ELMOD3: variants seen among roughly 807,000 people sequenced by gnomAD.
The protein encoded by ELMOD3 is ELMO domain containing 3.
Under a neutral mutation model 47.4 loss-of-function variants are expected in ELMOD3, and 36 were observed. That is an observed-to-expected ratio of 0.76 (90% confidence interval 0.58 to 1.00). The LOEUF (loss-of-function observed/expected upper bound fraction) is 1.00, where lower values mean the gene tolerates loss of function less well. ELMOD3 is among the 50% of genes least tolerant of loss of function. The pLI, the probability that ELMOD3 is intolerant of heterozygous loss-of-function variation, is 0.00. For missense variants in ELMOD3, 404 were observed against 463.8 expected, an observed-to-expected ratio of 0.87 and a Z score of 1.18; for synonymous variants, 149 against 183.5, an observed-to-expected ratio of 0.81 and a Z score of 1.52.
At chr2:85,373,730 G>A (rs1041537150) in intron 10 of ELMOD3, among the ~76,000 whole-genome samples, 3 of 151,194 alleles carry the variant, frequency 2.0e-5, no homozygotes, top group South Asian at 2.1e-4. Flanking sequence ...TCCCAGCTAC[G>A]TGGGAGGCTG....
At chr2:85,371,633 G>A (rs979178219) in intron 10 of ELMOD3, 71 bp downstream of exon 10, 93 of 1,593,738 alleles carry the variant, frequency 5.8e-5, no homozygotes, top group Non-Finnish European at 7.4e-5. Context: ...AGGCCAGGTC[G>A]TTCTCTTCCA....
Position 85,390,810 on chromosome 2 carries a change from G to A in ELMOD3, c.994G>A (p.Glu332Lys). The change falls in exon 14 of 14, where the codon GAG becomes AAG. Residue 332 changes from glutamate (E) to lysine (K), a missense_variant. Glu to Lys is a moderately conservative substitution (Grantham distance 56). Coordinates refer to ENST00000409013, the MANE Select transcript of ELMOD3 (RefSeq NM_001135022.2). ...CCCACGGCGGCTGCTCAAGACCCTG[G>A]AGCTGTACTTGGCCAGGGTGTCAAA... ...KSPRRLLKTL[E>K]LYLARVSKGQ... 2 of 1,551,582 alleles carry A rather than the reference G, an allele frequency of 1.3e-6. No homozygotes were observed. The highest frequency in any genetic ancestry group is 1.4e-5 in the African/African-American group (1 of 73,158).
intron 4 of ELMOD3, among the ~76,000 whole-genome samples, chr2:85,360,618 G>T (rs767802666): frequency 1.8e-4 from 28 of 151,982 alleles, no homozygotes; most frequent in Non-Finnish European, 2.9e-5. Flanking sequence ...GTCTCCCAAA[G>T]TGCTGGGATT....
At chr2:85,387,820 T>TA (rs1686047781) in intron 11 of ELMOD3, among the ~76,000 whole-genome samples, 3 of 152,196 alleles carry the variant, frequency 2.0e-5, no homozygotes, top group Admixed American at 6.5e-5. Flanking sequence ...ATAGTTATAC[T>TA]TAACAGTTCT....
At chr2:85,374,775 A>G (rs1340339804) in intron 10 of ELMOD3, among the ~76,000 whole-genome samples, 6 of 152,170 alleles carry the variant, frequency 3.9e-5, no homozygotes, top group Non-Finnish European at 7.4e-5. Flanking sequence ...TAGCACCGTT[A>G]CACGCTAGCC....
At chr2:85,375,231 T>A (rs924526389) in intron 10 of ELMOD3, among the ~76,000 whole-genome samples, 1 of 152,264 alleles carries the variant, frequency 6.6e-6, no homozygotes, top group African/African-American at 2.4e-5. Context: ...ATTTGGTCAA[T>A]TTTCAGCTGT....
chr2:85,389,255 C>T (rs1406797281), intron 11 of ELMOD3, among the ~76,000 whole-genome samples: 2 of 152,218 alleles, frequency 1.3e-5, no homozygotes, highest in Non-Finnish European at 1.5e-5. Flanking sequence ...CTTCTACCCA[C>T]GTGCGTCTTC....
chr2:85,364,041 A>T (rs1684168912), intron 6 of ELMOD3, among the ~76,000 whole-genome samples: 2 of 152,144 alleles, frequency 1.3e-5, no homozygotes, highest in Non-Finnish European at 2.9e-5. Context: ...AGGCACAAGA[A>T]TTGCATGAAC....
rs769966776 is a variant in ELMOD3 at position 85,371,124 on chromosome 2, C to T, written c.399C>T (p.Ala133=). 1.7e-5 allele frequency: 27 copies of T among 1,614,082 alleles called. No homozygotes were observed. Among genetic ancestry groups the T allele is most frequent in the East Asian group, 4.5e-5 (2 of 44,896 alleles). ...IQPTIRRTGL[A]ALRHYLFGPP... ...CAACTATTCGAAGGACTGGGCTCGCCGCCCTCCGACACTACCTCTTCGGGC... is the reference window on the plus strand; with the variant it reads ...CAACTATTCGAAGGACTGGGCTCGCTGCCCTCCGACACTACCTCTTCGGGC... Residue 133 remains alanine (A), a synonymous_variant, in exon 9 of 14, where the codon GCC becomes GCT. Transcript: ENST00000409013.
At chr2:85,380,120 A>G (rs1685443016) in intron 11 of ELMOD3, among the ~76,000 whole-genome samples, 1 of 152,250 alleles carries the variant, frequency 6.6e-6, no homozygotes, top group Non-Finnish European at 1.5e-5. Flanking sequence ...GTGTCCTATT[A>G]GCAGTGAAAA....
At chr2:85,390,356 C>CAGTT in intron 13 of ELMOD3, 91 bp downstream of exon 13, 1 of 1,614,152 alleles carries the variant, frequency 6.2e-7, no homozygotes, top group Non-Finnish European at 8.5e-7. Context: ...GTTTTGGCTG[C>CAGTT]AGTTCTTCCC....
intron 11 of ELMOD3, among the ~76,000 whole-genome samples, chr2:85,387,515 A>G (rs1417107973): frequency 2.0e-5 from 3 of 151,948 alleles, no homozygotes; most frequent in Admixed American, 6.6e-5. Context: ...TACAAAAATT[A>G]GCTGGGCGTG....
chr2:85,361,141 A>G (rs1334245030), intron 4 of ELMOD3, among the ~76,000 whole-genome samples: 1 of 152,200 alleles, frequency 6.6e-6, no homozygotes, highest in Non-Finnish European at 1.5e-5. Flanking sequence ...TTAAAAGAAC[A>G]CGTTGAAAAA....
At position 85,369,806 on chromosome 2, in the gene ELMOD3, G is replaced by C. The variant is rs1684661539; in HGVS notation, c.336G>C (p.Gln112His). 6.2e-7 allele frequency: 1 copy of C among 1,614,034 alleles called. No individual in the cohort carries two copies. Among genetic ancestry groups the C allele is most frequent in the African/African-American group, 1.3e-5 (1 of 74,956 alleles). ...ISFSEALQHF[Q>H]TVDLSPFKKR... ...TCAGTGAGGCCCTGCAGCACTTCCA[G>C]ACTGTGGACCTTTCCCCCTTCAAGG... The change falls in exon 8 of 14, where the codon CAG (glutamine) becomes CAC (histidine). Residue 112 changes from glutamine to histidine, a missense_variant. Coordinates refer to ENST00000409013, the MANE Select transcript of ELMOD3 (RefSeq NM_001135022.2).
intron 2 of ELMOD3, 37 bp downstream of exon 2, chr2:85,355,207 T>G (rs1347733410): frequency 6.6e-6 from 1 of 152,196 alleles, no homozygotes; most frequent in Admixed American, 6.5e-5. Context: ...AAGTGGCCCA[T>G]AGTTTTGTCC....
intron 11 of ELMOD3, among the ~76,000 whole-genome samples, chr2:85,377,875 C>T (rs1685278770): frequency 6.6e-6 from 1 of 152,228 alleles, no homozygotes; most frequent in Admixed American, 6.5e-5. Flanking sequence ...GACCCATATA[C>T]TTTACTGCTG....
At chr2:85,378,996 A>G (rs1685361269) in intron 11 of ELMOD3, among the ~76,000 whole-genome samples, 1 of 152,230 alleles carries the variant, frequency 6.6e-6, no homozygotes, top group Non-Finnish European at 1.5e-5. Context: ...GGATATCAAT[A>G]TAGGCCACAT....
rs533482540 is a variant in ELMOD3 at position 85,376,534 on chromosome 2, A to G, written c.608-810A>G. ...TGCAGAGGAGGCAAGGGGGCTCCTT[A>G]CCACTGGGAAAGATAAAGTCCCAGC... On this transcript the variant is annotated intron_variant, in intron 10 of 13. Transcript: ENST00000409013. The surrounding 1 kb of genome is among the most constrained non-coding windows in gnomAD (Gnocchi z 4.2). Among the ~76,000 whole-genome samples, 67 of 152,232 alleles carry G rather than the reference A, an allele frequency of 4.4e-4. No individual in the cohort carries two copies. Among genetic ancestry groups the G allele is most frequent in the African/African-American group, 1.5e-3 (62 of 41,544 alleles).
intron 6 of ELMOD3, among the ~76,000 whole-genome samples, chr2:85,366,124 A>ATTTTTTTTT (rs566714087): frequency 6.6e-5 from 9 of 135,610 alleles, no homozygotes; most frequent in Non-Finnish European, 6.3e-5. Flanking sequence ...TACCCAGCTA[A>ATTTTTTTTT]TTTTTTTTTT....
Sources: allele counts gnomAD v4.1 joint callset (sites outside exome capture counted in the v4.1 genomes callset), GRCh38; gene constraint gnomAD v4.1.1; non-coding constraint Gnocchi (gnomAD v3.1); transcripts MANE v1.5; gene names NCBI Gene and HGNC (gene_info 2026-07-23, HGNC 2026-07-21).